Variants in ZMYM4 observed in about 807,000 individuals in gnomAD.
The protein encoded by ZMYM4 is zinc finger MYM-type protein 4.
In ZMYM4, 31 loss-of-function variants were observed where a neutral mutation model predicts 183.2. The ratio of observed to expected loss-of-function variants is 0.17; its 90% CI spans 0.13 to 0.23. ZMYM4 has a LOEUF of 0.23. Among genes scored for constraint, ZMYM4 ranks in the 10% least tolerant of loss-of-function variants. ZMYM4 has a pLI of 1.00. For missense variants in ZMYM4, 1,273 were observed against 1,840.3 expected (o/e 0.69, Z 5.64); for synonymous variants, 592 against 631.2 (o/e 0.94, Z 0.93).
chr1:35,411,254 C>T (rs1212697634), intron 26 of ZMYM4, among the ~76,000 whole-genome samples: 1 of 149,970 alleles, frequency 6.7e-6, no homozygotes, highest in Non-Finnish European at 1.5e-5. Flanking sequence ...CCCGGGTTCA[C>T]GCCATTCTCC....
intron 1 of ZMYM4, among the ~76,000 whole-genome samples, chr1:35,309,470 A>ACT (rs1339202686): frequency 6.6e-6 from 1 of 152,192 alleles, no homozygotes; most frequent in Non-Finnish European, 1.5e-5. Flanking sequence ...TAGTCAGAAT[A>ACT]ATTTGTCTAA....
At chr1:35,370,338 A>ATTTTTTTTTTTTTTTTTT in intron 6 of ZMYM4, 34 bp from the exon 7 acceptor site, 1 of 910,602 alleles carries the variant, frequency 1.1e-6, no homozygotes. Context: ...TTTTCTTTCA[A>ATTTTTTTTTTTTTTTTTT]TTTTTTTTTT....
chr1:35,335,062 C>T (rs1199232980), intron 2 of ZMYM4, among the ~76,000 whole-genome samples: 5 of 152,116 alleles, frequency 3.3e-5, no homozygotes, highest in Admixed American at 3.3e-4. Flanking sequence ...GCCAATTTCC[C>T]AGTCTCATAC....
intron 11 of ZMYM4, among the ~76,000 whole-genome samples, 182 bp downstream of exon 11, chr1:35,386,371 A>G (rs1644577610): frequency 6.6e-6 from 1 of 152,084 alleles, no homozygotes; most frequent in Non-Finnish European, 1.5e-5. Context: ...GAAACTTTCA[A>G]TTATGGCGGA....
At chr1:35,410,018 T>A (rs1459698350) in intron 26 of ZMYM4, among the ~76,000 whole-genome samples, 2 of 151,996 alleles carry the variant, frequency 1.3e-5, no homozygotes, top group Non-Finnish European at 2.9e-5. Flanking sequence ...CAGCATCTGC[T>A]TCTGGTGAGC....
chr1:35,385,991 T>C, intron 10 of ZMYM4, 83 bp from the exon 11 acceptor site: 2 of 936,488 alleles, frequency 2.1e-6, no homozygotes, highest in East Asian at 2.9e-5. Flanking sequence ...AATTTTCTTA[T>C]ATTGTATAGT....
At chr1:35,303,528 C>T (rs1641387969) in intron 1 of ZMYM4, among the ~76,000 whole-genome samples, 1 of 152,104 alleles carries the variant, frequency 6.6e-6, no homozygotes, top group Admixed American at 6.5e-5. Context: ...GCCTCACCCT[C>T]CCAAGTGGCT....
At chr1:35,349,285 G>T (rs542883153) in intron 2 of ZMYM4, among the ~76,000 whole-genome samples, 54 of 152,248 alleles carry the variant, frequency 3.5e-4, no homozygotes, top group Non-Finnish European at 6.8e-4. Context: ...ATGGTGTCCG[G>T]CCTGTGGTTT....
intron 1 of ZMYM4, among the ~76,000 whole-genome samples, chr1:35,284,244 G>T (rs1443119794): frequency 2.0e-5 from 3 of 152,080 alleles, no homozygotes; most frequent in Non-Finnish European, 4.4e-5. Context: ...CCAAAGTGCT[G>T]GGATTACAGG....
intron 2 of ZMYM4, among the ~76,000 whole-genome samples, chr1:35,327,425 A>C (rs1192695084): frequency 1.3e-5 from 2 of 152,236 alleles, no homozygotes; most frequent in Non-Finnish European, 2.9e-5. Flanking sequence ...AATTTTGTCA[A>C]CTAGAGTTCT....
intron 1 of ZMYM4, among the ~76,000 whole-genome samples, chr1:35,303,263 T>C (rs1351700310): frequency 1.4e-5 from 2 of 145,846 alleles, no homozygotes; most frequent in Non-Finnish European, 1.5e-5. Context: ...CACTCCAGCC[T>C]GGTGACAGAG....
intron 2 of ZMYM4, among the ~76,000 whole-genome samples, chr1:35,325,991 A>G (rs191476318): frequency 2.6e-5 from 4 of 152,220 alleles, no homozygotes; most frequent in African/African-American, 9.6e-5. Flanking sequence ...TTTTTCATTC[A>G]ACTGCGTAGA....
intron 5 of ZMYM4, among the ~76,000 whole-genome samples, chr1:35,367,448 C>T (rs1463133004): frequency 4.6e-5 from 7 of 151,552 alleles, no homozygotes; most frequent in Non-Finnish European, 8.8e-5. Context: ...AGGCTGGTCT[C>T]AGACTCCTAA....
chr1:35,413,776 T>C (rs998003000), intron 26 of ZMYM4, among the ~76,000 whole-genome samples, 196 bp from the exon 27 acceptor site: 2 of 152,186 alleles, frequency 1.3e-5, no homozygotes, highest in African/African-American at 4.8e-5. Context: ...CTGAAGATAA[T>C]GTGTTAATAA....
intron 1 of ZMYM4, among the ~76,000 whole-genome samples, chr1:35,299,907 G>A (rs897787689): frequency 4.0e-5 from 6 of 151,824 alleles, no homozygotes; most frequent in Admixed American, 2.0e-4. Flanking sequence ...CCATTCTCCT[G>A]CCGCAGCCTA....
chr1:35,309,402 TC>T (rs2148775415), intron 1 of ZMYM4, among the ~76,000 whole-genome samples: 1 of 152,338 alleles, frequency 6.6e-6, no homozygotes, highest in Non-Finnish European at 1.5e-5. Flanking sequence ...TTAGATTTGT[TC>T]CTTAGACTTG....
intron 1 of ZMYM4, among the ~76,000 whole-genome samples, chr1:35,300,272 T>G (rs925608821): frequency 2.0e-5 from 3 of 152,246 alleles, no homozygotes; most frequent in African/African-American, 7.2e-5. Context: ...TCTATTTTCC[T>G]GCCTCAGCAT....
intron 2 of ZMYM4, among the ~76,000 whole-genome samples, chr1:35,333,906 C>G (rs1257718507): frequency 6.6e-6 from 1 of 151,856 alleles, no homozygotes; most frequent in African/African-American, 2.4e-5. Context: ...TGTTTTTAGG[C>G]ATTTATGTCG....
chr1:35,381,469 T>C (rs1209039109), intron 8 of ZMYM4, 36 bp downstream of exon 8: 11 of 1,607,636 alleles, frequency 6.8e-6, no homozygotes, highest in Non-Finnish European at 8.5e-6. Flanking sequence ...GGCAGGAGTC[T>C]AATACGTTTG....
Sources: gnomAD v4.1 joint callset for allele counts (sites outside exome capture counted in the v4.1 genomes callset) on GRCh38, gnomAD v4.1.1 for gene constraint, MANE v1.5 for transcripts, NCBI Gene and HGNC (gene_info 2026-07-23, HGNC 2026-07-21) for gene names.